BACH2: variants seen among roughly 807,000 people sequenced by gnomAD.
The protein encoded by BACH2 is BACH transcriptional regulator 2, also known as transcription regulator protein BACH2.
A neutral mutation model predicts 61.8 loss-of-function variants in BACH2; 5 were observed. That is an observed-to-expected ratio of 0.08 (90% CI 0.04 to 0.17). BACH2 has a LOEUF of 0.17. Ranked by LOEUF, BACH2 falls within the 10% of genes least tolerant of loss-of-function variation. BACH2 has a pLI of 1.00. For missense variants in BACH2, 824 were observed against 1,091.1 expected (o/e 0.76, Z 3.45); for synonymous variants, 446 against 440.1 (o/e 1.01, Z -0.17).
At chr6:90,252,915 C>T (rs1770856517) in intron 2 of BACH2, among the ~76,000 whole-genome samples, 2 of 152,160 alleles carry the variant, frequency 1.3e-5, no homozygotes, top group Non-Finnish European at 2.9e-5. Context: ...TTCTCAAGGC[C>T]AGATAAGCCA....
intron 5 of BACH2, among the ~76,000 whole-genome samples, chr6:90,078,400 G>A (rs1406606190): frequency 6.6e-6 from 1 of 152,066 alleles, no homozygotes. Flanking sequence ...GGCTTACATT[G>A]TGCTAACTTA....
intron 5 of BACH2, among the ~76,000 whole-genome samples, chr6:90,042,747 C>T (rs1779598494): frequency 6.6e-6 from 1 of 152,188 alleles, no homozygotes; most frequent in Non-Finnish European, 1.5e-5. Flanking sequence ...AACATACATA[C>T]CTATAATCTT....
At chr6:89,962,684 C>T (rs149495982) in intron 6 of BACH2, among the ~76,000 whole-genome samples, 97 of 152,282 alleles carry the variant, frequency 6.4e-4, no homozygotes, top group African/African-American at 2.1e-3. Flanking sequence ...TCATCTTTCC[C>T]CACAGATGCA....
intron 6 of BACH2, among the ~76,000 whole-genome samples, chr6:89,986,239 G>A (rs1231487990): frequency 6.9e-6 from 1 of 144,764 alleles, no homozygotes; most frequent in African/African-American, 2.6e-5. Flanking sequence ...TTTTTTTCCT[G>A]TGGGGTTTAC....
intron 5 of BACH2, among the ~76,000 whole-genome samples, chr6:90,067,233 T>G (rs1482155905): frequency 1.3e-5 from 2 of 152,130 alleles, no homozygotes; most frequent in East Asian, 3.9e-4. Flanking sequence ...AAGAAAACGT[T>G]CTGTGGAAGG....
chr6:90,056,278 T>C (rs980327163), intron 5 of BACH2, among the ~76,000 whole-genome samples: 1 of 151,984 alleles, frequency 6.6e-6, no homozygotes, highest in Non-Finnish European at 1.5e-5. Context: ...TGGAGGAAGA[T>C]CTACCAAGCA....
chr6:89,980,963 C>G (rs1374758692), intron 6 of BACH2, among the ~76,000 whole-genome samples: 1 of 151,206 alleles, frequency 6.6e-6, no homozygotes, highest in South Asian at 2.1e-4. Flanking sequence ...GTATTAACCA[C>G]AAAGAGACGT....
At chr6:90,225,836 A>T (rs1030986806) in intron 3 of BACH2, among the ~76,000 whole-genome samples, 3 of 152,216 alleles carry the variant, frequency 2.0e-5, no homozygotes, top group Admixed American at 6.5e-5. Context: ...TACATAGGAT[A>T]GTCAGGGTGT....
At chr6:90,267,117 C>T (rs763408791) in intron 2 of BACH2, among the ~76,000 whole-genome samples, 5 of 151,998 alleles carry the variant, frequency 3.3e-5, no homozygotes, top group Admixed American at 2.0e-4. Flanking sequence ...CTCCCCCCCA[C>T]CAAAAAACCC....
At chr6:90,209,910 C>G (rs1408569665) in intron 3 of BACH2, among the ~76,000 whole-genome samples, 1 of 152,136 alleles carries the variant, frequency 6.6e-6, no homozygotes, top group Non-Finnish European at 1.5e-5. Context: ...TTTGCTGTCA[C>G]TCACAGGGCC....
intron 4 of BACH2, among the ~76,000 whole-genome samples, chr6:90,172,987 G>T (rs2127837974): frequency 6.6e-6 from 1 of 152,076 alleles, no homozygotes; most frequent in East Asian, 1.9e-4. Flanking sequence ...TTTGAGAAAA[G>T]AATGAATACT....
At position 90,008,794 on chromosome 6, in the gene BACH2, T is replaced by A. The variant is rs1213194621; in HGVS notation, c.51A>T (p.Thr17=). The change falls in exon 6 of 9, where the codon ACA becomes ACT. Residue 17 remains threonine, a synonymous_variant. Transcript: ENST00000257749. This position sits in a 1 kb window ranked among gnomAD's most constrained non-coding sequence, Gnocchi z 4.1. ...CCAGGAGGATGTTGGTGCAGTGGAC[T>A]GTGGACTCATACACATACATGGGGG... ...PDSPMYVYES[T]VHCTNILLGL... is the part of the protein sequence containing the mutation. 1 of 1,614,170 alleles carries A rather than the reference T, an allele frequency of 6.2e-7. No homozygotes were observed.
chr6:90,146,684 C>T (rs191631006), intron 4 of BACH2, among the ~76,000 whole-genome samples: 22 of 152,294 alleles, frequency 1.4e-4, no homozygotes, highest in African/African-American at 5.1e-4. Flanking sequence ...TAATCAAATA[C>T]ATTAATACTT....
chr6:90,082,820 T>C (rs939712360), intron 5 of BACH2, among the ~76,000 whole-genome samples: 2 of 152,216 alleles, frequency 1.3e-5, no homozygotes, highest in African/African-American at 4.8e-5. Flanking sequence ...ACTTCATCAA[T>C]AAGTTTCTGA....
intron 6 of BACH2, among the ~76,000 whole-genome samples, chr6:89,976,759 G>A (rs1403315128): frequency 6.6e-6 from 1 of 152,042 alleles, no homozygotes; most frequent in Non-Finnish European, 1.5e-5. Context: ...TTACCAAAGA[G>A]AAAAAACTCA....
At chr6:90,051,650 C>T in intron 5 of BACH2, among the ~76,000 whole-genome samples, 1 of 152,172 alleles carries the variant, frequency 6.6e-6, no homozygotes, top group Non-Finnish European at 1.5e-5. Context: ...TTTACAATTT[C>T]AATTTAATTA....
intron 2 of BACH2, among the ~76,000 whole-genome samples, chr6:90,257,827 G>GC (rs1771030446): frequency 6.6e-6 from 1 of 152,120 alleles, no homozygotes; most frequent in African/African-American, 2.4e-5. Context: ...CCAGGCTAGA[G>GC]TGCAGTGGCG....
chr6:90,000,815 T>C (rs1380060694), intron 6 of BACH2, among the ~76,000 whole-genome samples: 5 of 152,232 alleles, frequency 3.3e-5, no homozygotes, highest in African/African-American at 1.2e-4. Flanking sequence ...GGAAGGCCCT[T>C]TCTGAAAAGT....
At chr6:90,284,957 C>T (rs1001145397) in intron 1 of BACH2, among the ~76,000 whole-genome samples, 9 of 152,138 alleles carry the variant, frequency 5.9e-5, no homozygotes, top group African/African-American at 2.2e-4. Context: ...CTTCAGAATG[C>T]TTATTGAAAC....
Sources: gnomAD v4.1 joint callset for allele counts (sites outside exome capture counted in the v4.1 genomes callset) on GRCh38, gnomAD v4.1.1 for gene constraint, Gnocchi (gnomAD v3.1) non-coding constraint, MANE v1.5 for transcripts, NCBI Gene and HGNC (gene_info 2026-07-23, HGNC 2026-07-21) for gene names.